The following RELL1 variants were observed in gnomAD, a reference collection of about 807,000 sequenced individuals.
RELL1 encodes the protein RELT-like protein 1.
Under a neutral mutation model 23.0 loss-of-function variants are expected in RELL1, and 10 were observed. The observed-to-expected ratio is 0.43, with a 90% CI of 0.27 to 0.74. The LOEUF (loss-of-function observed/expected upper bound fraction) is 0.74. Ranked by LOEUF, RELL1 falls within the 30% of genes least tolerant of loss-of-function variation. The pLI is 0.19. For missense variants in RELL1, 315 were observed against 364.4 expected (o/e 0.86, Z 1.10); for synonymous variants, 146 against 146.8 (o/e 0.99, Z 0.04).
intron 6 of RELL1, among the ~76,000 whole-genome samples, chr4:37,614,506 C>T (rs924859696): frequency 2.6e-5 from 4 of 151,920 alleles, no homozygotes; most frequent in African/African-American, 4.8e-5. Context: ...TACGTAATAC[C>T]CTGCACTGAA....
intron 6 of RELL1, among the ~76,000 whole-genome samples, chr4:37,601,441 T>G (rs1225761775): frequency 1.3e-5 from 2 of 152,164 alleles, no homozygotes; most frequent in Non-Finnish European, 2.9e-5. Context: ...AAAAGGCACA[T>G]ATTATCTTCA....
intron 4 of RELL1, among the ~76,000 whole-genome samples, chr4:37,637,178 C>T (rs1215463226): frequency 6.6e-6 from 1 of 152,214 alleles, no homozygotes; most frequent in African/African-American, 2.4e-5. Context: ...GAACACCAGC[C>T]GTCTGTGGCC....
At chr4:37,624,418 CT>C (rs35118296) in intron 6 of RELL1, among the ~76,000 whole-genome samples, 53,401 of 111,072 alleles carry the variant, frequency 0.48, 11,405 homozygotes, top group African/African-American at 0.57. Flanking sequence ...TTCTTTCTTT[CT>C]TTTTTTTTTT....
At chr4:37,592,077 G>A (rs540392992) in intron 6 of RELL1, among the ~76,000 whole-genome samples, 6 of 151,784 alleles carry the variant, frequency 4.0e-5, no homozygotes, top group Admixed American at 6.6e-5. Context: ...GCACGGTGGC[G>A]GGCGCCTGTA....
At chr4:37,655,699 C>G (rs889203101) in intron 1 of RELL1, among the ~76,000 whole-genome samples, 1 of 152,214 alleles carries the variant, frequency 6.6e-6, no homozygotes, top group African/African-American at 2.4e-5. Context: ...GACAATGTCA[C>G]AGTTCAGTTT....
At chr4:37,597,559 A>C (rs1285395764) in intron 6 of RELL1, among the ~76,000 whole-genome samples, 2 of 152,212 alleles carry the variant, frequency 1.3e-5, no homozygotes, top group South Asian at 2.1e-4. Flanking sequence ...GGAAGAGTTC[A>C]CAGGCCACAG....
chr4:37,668,985 C>T (rs1241453057), intron 1 of RELL1, among the ~76,000 whole-genome samples: 2 of 148,404 alleles, frequency 1.3e-5, no homozygotes, highest in South Asian at 2.1e-4. Context: ...CCCGGCCAGC[C>T]GCCCCATCCA....
chr4:37,675,620 A>G (rs1722002921), intron 1 of RELL1, among the ~76,000 whole-genome samples: 1 of 152,242 alleles, frequency 6.6e-6, no homozygotes, highest in Non-Finnish European at 1.5e-5. Flanking sequence ...AAAAGATGCA[A>G]CATGTATCCA....
At chr4:37,660,898 G>A (rs1192846139) in intron 1 of RELL1, among the ~76,000 whole-genome samples, 2 of 152,072 alleles carry the variant, frequency 1.3e-5, no homozygotes, top group South Asian at 2.1e-4. Flanking sequence ...AGGCATGGTG[G>A]CGGGCGCCTG....
intron 1 of RELL1, among the ~76,000 whole-genome samples, chr4:37,679,901 G>A (rs571274508): frequency 5.9e-5 from 9 of 151,528 alleles, no homozygotes; most frequent in South Asian, 2.1e-4. Flanking sequence ...GCAGTGACCC[G>A]AGATCACACC....
chr4:37,604,804 C>CACAG (rs1719115187), intron 6 of RELL1, among the ~76,000 whole-genome samples: 1 of 72,364 alleles, frequency 1.4e-5, no homozygotes, highest in East Asian at 2.6e-4. Context: ...CACAGACACA[C>CACAG]ACACAGACAC....
chr4:37,679,072 T>C (rs1313005187), intron 1 of RELL1, among the ~76,000 whole-genome samples: 1 of 152,116 alleles, frequency 6.6e-6, no homozygotes, highest in African/African-American at 2.4e-5. Flanking sequence ...TCCTCTGAGT[T>C]CAACAGGTTT....
chr4:37,675,421 T>A (rs185108488), intron 1 of RELL1, among the ~76,000 whole-genome samples: 2 of 152,206 alleles, frequency 1.3e-5, no homozygotes, highest in Non-Finnish European at 2.9e-5. Context: ...TAAGTCTCAG[T>A]TTCCACATCT....
chr4:37,665,511 C>T (rs554811559), intron 1 of RELL1: 110 of 341,970 alleles, frequency 3.2e-4, no homozygotes, highest in South Asian at 1.9e-3. Flanking sequence ...ACGCTAAATC[C>T]GAGCTTACAC....
At chr4:37,604,431 G>T (rs2109491163) in intron 6 of RELL1, among the ~76,000 whole-genome samples, 1 of 152,154 alleles carries the variant, frequency 6.6e-6, no homozygotes, top group Admixed American at 6.5e-5. Flanking sequence ...TTGTGACTTG[G>T]TCACAAATGA....
At position 37,631,415 on chromosome 4, in the gene RELL1, C is replaced by T. The variant is rs1372130808; in HGVS notation, c.789G>A (p.Val263=). ...TVNGEVPATP[V]KRERSGTE Reference sequence around the variant, plus strand: ...ACTCTGTGCCACTGCGTTCTCTCTTCACAGGTGTTGCCGGCACCTCCCCAT... The same window carrying T: ...ACTCTGTGCCACTGCGTTCTCTCTTTACAGGTGTTGCCGGCACCTCCCCAT... Residue 263 remains valine, a synonymous_variant, in exon 6 of 7, where the codon GTG becomes GTA. Coordinates refer to ENST00000454158, the MANE Select transcript of RELL1 (RefSeq NM_001085400.2). 3 of 1,614,156 alleles carry T rather than the reference C, an allele frequency of 1.9e-6. No individual in the cohort carries two copies. The highest frequency in any genetic ancestry group is 1.1e-5 in the South Asian group (1 of 91,064).
At chr4:37,670,552 A>T (rs1239777416) in intron 1 of RELL1, among the ~76,000 whole-genome samples, 2 of 151,294 alleles carry the variant, frequency 1.3e-5, no homozygotes, top group Admixed American at 6.6e-5. Context: ...CAGCCTGATA[A>T]TTTTTTTTCT....
chr4:37,625,777 T>C (rs1316193624), intron 6 of RELL1, among the ~76,000 whole-genome samples: 1 of 152,164 alleles, frequency 6.6e-6, no homozygotes, highest in Non-Finnish European at 1.5e-5. Flanking sequence ...CACAAAAAAA[T>C]GATAAATATA....
rs950120787 is a variant in RELL1, at chr4:37,625,975, A to G, written c.*3+5410T>C. On this transcript the variant is annotated intron_variant, in intron 6 of 6. Coordinates refer to ENST00000454158, the MANE Select transcript of RELL1 (RefSeq NM_001085400.2). Reference sequence around the variant, plus strand: ...TCAAAAGAAGACCTACAAATGGCCAACAAATATATGAAAAAAAGGCTCAAC... The same window carrying G: ...TCAAAAGAAGACCTACAAATGGCCAGCAAATATATGAAAAAAAGGCTCAAC... Among the ~76,000 whole-genome samples the G allele has an allele frequency of 3.3e-5, 5 of 152,176 alleles. No individual in the cohort carries two copies. The East Asian group carries it at 9.6e-4, about 29-fold the overall frequency.
Sources: gnomAD v4.1 joint callset for allele counts (sites outside exome capture counted in the v4.1 genomes callset) on GRCh38, gnomAD v4.1.1 for gene constraint, MANE v1.5 for transcripts, NCBI Gene and HGNC (gene_info 2026-07-23, HGNC 2026-07-21) for gene names.